Variants in TOP3B observed in about 807,000 individuals in gnomAD.
TOP3B encodes the protein DNA topoisomerase III beta.
TOP3B carries 45 observed loss-of-function variants against 93.9 expected under a neutral mutation model. That is an observed-to-expected ratio of 0.48 (90% CI 0.38 to 0.61). The LOEUF is 0.61. TOP3B is among the 20% of genes least tolerant of loss of function. The pLI, the probability that TOP3B is intolerant of heterozygous loss-of-function variation, is 0.00. For missense variants in TOP3B, 750 were observed against 1,156.1 expected (o/e 0.65, Z 5.09); for synonymous variants, 357 against 472.6 (o/e 0.76, Z 3.17).
chr22:21,971,116 GC>G lies in TOP3B; in HGVS notation c.385-711del. ...CCATTCTCCATTCCCAGATGCAAAG[GC>G]CCCCAGGGAGGAGCCGCCCTGCAGG... is the stretch of plus-strand genomic sequence containing the variant. On this transcript the variant is annotated intron_variant, in intron 5 of 17. Transcript: ENST00000357179. This position sits in a 1 kb window ranked among gnomAD's most constrained non-coding sequence, Gnocchi z 4.6. 1.6e-6 allele frequency: 2 copies of G among 1,240,318 alleles called. No homozygotes were observed. Among genetic ancestry groups the G allele is most frequent in the Admixed American group, 2.4e-5 (1 of 41,006 alleles). 76.8% of individuals were successfully genotyped at this position (1,240,318 alleles called of 1,614,324 possible). A position where few individuals can be genotyped will look rare whatever the true frequency, so the allele number is the denominator to read the frequency against.
Position 21,971,234 on chromosome 22 carries a change from G to A in TOP3B, c.384+643C>T. 1 of 335,614 alleles carries A rather than the reference G, an allele frequency of 3.0e-6. No individual in the cohort carries two copies. The highest frequency in any genetic ancestry group is 5.7e-6 in the Non-Finnish European group (1 of 175,834). 20.8% of individuals were successfully genotyped at this position (335,614 alleles called of 1,614,324 possible). A position where few individuals can be genotyped will look rare whatever the true frequency, so the allele number is the denominator to read the frequency against. On this transcript the variant is annotated intron_variant, in intron 5 of 17. Coordinates refer to ENST00000357179, the MANE Select transcript of TOP3B (RefSeq NM_001282112.2). This position sits in a 1 kb window ranked among gnomAD's most constrained non-coding sequence, Gnocchi z 4.6. Reference sequence around the variant, plus strand: ...CCAGGTGCCTCAGCTCTGTCTCACTGACCAGCTCTTGAGCCACGGGTGAGA... The same window carrying A: ...CCAGGTGCCTCAGCTCTGTCTCACTAACCAGCTCTTGAGCCACGGGTGAGA...
At chr22:21,962,174 T>A (rs144425288) in intron 13 of TOP3B, 1 of 1,424,568 alleles carries the variant, frequency 7.0e-7, no homozygotes. Context: ...AGTCGGTGTG[T>A]GCACACCCCA....
At chr22:21,978,293 G>A (rs1018338376) in intron 1 of TOP3B, among the ~76,000 whole-genome samples, 4 of 151,976 alleles carry the variant, frequency 2.6e-5, no homozygotes, top group African/African-American at 7.3e-5. Flanking sequence ...GCTGGGCATG[G>A]GCTCACACCT....
intron 1 of TOP3B, among the ~76,000 whole-genome samples, chr22:21,980,154 G>A (rs1191064289): frequency 3.3e-5 from 5 of 152,232 alleles, no homozygotes; most frequent in Middle Eastern, 3.4e-3. Flanking sequence ...ATTATGAAGA[G>A]GCGATATGTC....
chr22:21,975,416 T>C, intron 2 of TOP3B: 1 of 475,318 alleles, frequency 2.1e-6, no homozygotes, highest in African/African-American at 2.0e-5. Context: ...TGTCCTTCAA[T>C]TTCATTGTAA....
chr22:21,974,604 T>C, intron 2 of TOP3B, 116 bp from the exon 3 acceptor site: 2 of 1,212,506 alleles, frequency 1.6e-6, no homozygotes, highest in Non-Finnish European at 2.3e-6. Context: ...CCCAGAGTGG[T>C]GAGTGACGAC....
intron 1 of TOP3B, chr22:21,976,911 T>TA (rs1412916493): frequency 6.6e-6 from 1 of 152,170 alleles, no homozygotes; most frequent in Non-Finnish European, 1.5e-5. Flanking sequence ...AAAATAAAGT[T>TA]AGACTCCTGC....
In TOP3B at chr22:21,964,169, C is replaced by G; in HGVS notation, c.1090G>C (p.Ala364Pro). ...LRQQANHPYW[A>P]DTVKRLLAEG... Reference sequence around the variant, plus strand: ...GGCCCGGCTCCACTCACCGTGTCGGCCCAGTAGGGGTGGTTGGCCTGCTGC... The same window carrying G: ...GGCCCGGCTCCACTCACCGTGTCGGGCCAGTAGGGGTGGTTGGCCTGCTGC... The change falls in exon 10 of 18, where the codon GCC becomes CCC. Residue 364 changes from alanine to proline, a missense_variant. Ala to Pro is a conservative substitution (Grantham distance 27, BLOSUM62 -1). Around this residue, in one of 4 missense-constraint regions of TOP3B, gnomAD observed 737 missense variants for 933.7 expected, o/e 0.79. Coordinates refer to ENST00000357179, the MANE Select transcript of TOP3B (RefSeq NM_001282112.2). 6.2e-7 allele frequency: 1 copy of G among 1,614,062 alleles called. No homozygotes were observed. The highest frequency in any genetic ancestry group is 8.5e-7 in the Non-Finnish European group (1 of 1,180,016).
In TOP3B at chr22:21,975,711, T is replaced by C. The variant is rs2071838643; in HGVS notation, c.-2A>G. On this transcript the variant is annotated 5_prime_UTR_variant, in exon 2 of 18. Coordinates refer to ENST00000357179, the MANE Select transcript of TOP3B (RefSeq NM_001282112.2). ...AGCAACCATGAGCACAGTCTTCATTTTGTCTCGGTCCTTCACACTCCAGTT... is the reference window on the plus strand; with the variant it reads ...AGCAACCATGAGCACAGTCTTCATTCTGTCTCGGTCCTTCACACTCCAGTT... 1.4e-5 allele frequency: 23 copies of C among 1,606,040 alleles called. No homozygotes were observed. The East Asian group carries it at 5.1e-4, about 36-fold the overall frequency.
chr22:21,964,951 G>C, intron 9 of TOP3B: 1 of 207,752 alleles, frequency 4.8e-6, no homozygotes, highest in Non-Finnish European at 9.5e-6. Context: ...GAGACCACCA[G>C]CTTTCCAGCC....
intron 6 of TOP3B, chr22:21,969,033 T>A (rs1425523115): frequency 4.4e-6 from 2 of 452,622 alleles, no homozygotes; most frequent in Non-Finnish European, 8.0e-6. Flanking sequence ...TTCTATTCCA[T>A]CTACTGCACA....
At chr22:21,959,327 C>T (rs2071066257) in intron 15 of TOP3B, 95 bp from the exon 16 acceptor site, 1 of 1,564,082 alleles carries the variant, frequency 6.4e-7, no homozygotes, top group Admixed American at 1.8e-5. Flanking sequence ...GAAAGGGTCC[C>T]TATAGGCGGT....
chr22:21,962,550 G>T lies in TOP3B; in HGVS notation c.1404C>A (p.Pro468=), dbSNP rs1202345060. The T allele has an allele frequency of 1.7e-5, 28 of 1,613,524 alleles. No homozygotes were observed. The highest frequency in any genetic ancestry group is 2.3e-5 in the Non-Finnish European group (27 of 1,180,038). ...GGAAGGCATCACCCCGCTGGCAAGT[G>T]GGCAGGCTCTCCTCCAGGGGCACGC... ...WQSVPLEESL[P]TCQRGDAFPV... is the part of the protein sequence containing the mutation. Residue 468 remains proline, a synonymous_variant, in exon 13 of 18, where the codon CCC becomes CCA. Transcript: ENST00000357179.
At chr22:21,967,179 T>C (rs1046985443) in intron 8 of TOP3B, 49 of 178,308 alleles carry the variant, frequency 2.7e-4, no homozygotes, top group East Asian at 1.0e-3. Flanking sequence ...CGCAAGCTGA[T>C]TGCAATTGGA....
chr22:21,962,643 G>C (rs1180170949), intron 12 of TOP3B, 41 bp from the exon 13 acceptor site: 1 of 1,605,688 alleles, frequency 6.2e-7, no homozygotes, highest in Non-Finnish European at 8.5e-7. Flanking sequence ...CCCAGCCTGG[G>C]TGGCCGGGGC....
intron 11 of TOP3B, 30 bp from the exon 12 acceptor site, chr22:21,962,923 A>G: frequency 6.2e-7 from 1 of 1,604,884 alleles, no homozygotes; most frequent in Non-Finnish European, 8.5e-7. Context: ...GTCAGTTGGG[A>G]GCCAGCTGGG....
At position 21,964,152 on chromosome 22, in the gene TOP3B, T is replaced by G. The variant is rs751266759; in HGVS notation, c.1098+9A>C. 1 of 1,613,688 alleles carries G rather than the reference T, an allele frequency of 6.2e-7. No individual in the cohort carries two copies. Among genetic ancestry groups the G allele is most frequent in the African/African-American group, 1.3e-5 (1 of 74,868 alleles). On this transcript the variant is annotated intron_variant, in intron 10 of 17. Coordinates refer to ENST00000357179, the MANE Select transcript of TOP3B (RefSeq NM_001282112.2). ...ACACACATGCTGAGGCCGGCCCGGC[T>G]CCACTCACCGTGTCGGCCCAGTAGG...
chr22:21,976,298 C>A (rs2145879157), intron 1 of TOP3B: 1 of 152,500 alleles, frequency 6.6e-6, no homozygotes, highest in Non-Finnish European at 1.5e-5. Flanking sequence ...CCCCCCAGGT[C>A]CTTCTGATCC....
chr22:21,968,855 G>T (rs2071519320), intron 6 of TOP3B, 80 bp from the exon 7 acceptor site: 2 of 1,511,278 alleles, frequency 1.3e-6, no homozygotes, highest in African/African-American at 2.7e-5. Flanking sequence ...CCAGCCCAAG[G>T]CCAGGGGTGG....
Sources: gnomAD v4.1 joint callset for allele counts (sites outside exome capture counted in the v4.1 genomes callset) on GRCh38, gnomAD v4.1.1 for gene constraint, gnomAD v4.1.1 regional missense constraint, Gnocchi (gnomAD v3.1) non-coding constraint, MANE v1.5 for transcripts, NCBI Gene and HGNC (gene_info 2026-07-23, HGNC 2026-07-21) for gene names.